Variants in ANKRD34B observed in about 807,000 individuals in gnomAD.
ANKRD34B encodes ankyrin repeat domain 34B.
ANKRD34B carries 2 observed loss-of-function variants against 4.4 expected under a neutral mutation model. The ratio of observed to expected loss-of-function variants is 0.46; its 90% confidence interval spans 0.19 to 1.44. ANKRD34B has a LOEUF of 1.44. Among genes scored for constraint, ANKRD34B ranks in the 40% most tolerant of loss-of-function variants. The pLI, the probability that ANKRD34B is intolerant of heterozygous loss-of-function variation, is 0.26. For missense variants in ANKRD34B, 558 were observed against 604.7 expected (o/e 0.92, Z 0.81); for synonymous variants, 226 against 227.1 (o/e 0.99, Z 0.05).
In ANKRD34B at chr5:80,558,771, C is replaced by T. The variant is rs765134779; in HGVS notation, c.1249G>A (p.Gly417Ser). 2.5e-6 allele frequency: 4 copies of T among 1,614,126 alleles called. No individual in the cohort carries two copies. The highest frequency in any genetic ancestry group is 3.4e-6 in the Non-Finnish European group (4 of 1,180,010). Residue 417 changes from glycine (G) to serine (S), a missense_variant, in exon 5 of 5, where the codon GGT becomes AGT. By Grantham distance (56) the Gly-to-Ser change is moderately conservative (BLOSUM62 0). Transcript: ENST00000338682. ...SKELLENIPPGPLSRRNHAVL... is the reference protein window; with the variant it reads ...SKELLENIPPSPLSRRNHAVL... ...GCATGATTTCTCCTGCTCAGGGGAC[C>T]TGGGGGGATATTCTCCAACAATTCT... is the stretch of plus-strand genomic sequence containing the variant.
At chr5:80,567,173 G>A (rs1746591457) in intron 2 of ANKRD34B, among the ~76,000 whole-genome samples, 1 of 152,182 alleles carries the variant, frequency 6.6e-6, no homozygotes, top group Non-Finnish European at 1.5e-5. Context: ...AGCTTCGCAC[G>A]GAGTAGGACT....
chr5:80,566,072 A>T (rs1014311708), intron 3 of ANKRD34B, among the ~76,000 whole-genome samples: 12 of 152,318 alleles, frequency 7.9e-5, no homozygotes, highest in Middle Eastern at 3.4e-3. Flanking sequence ...AGTTATTTTT[A>T]AAAAATATTT....
intron 2 of ANKRD34B, among the ~76,000 whole-genome samples, chr5:80,567,206 G>C (rs1166359553): frequency 6.6e-6 from 1 of 152,150 alleles, no homozygotes; most frequent in Admixed American, 6.6e-5. Flanking sequence ...TGATTTGTGT[G>C]TTATCTCACA....
At chr5:80,564,792 G>A (rs1746515432) in intron 3 of ANKRD34B, among the ~76,000 whole-genome samples, 1 of 134,518 alleles carries the variant, frequency 7.4e-6, no homozygotes, top group Middle Eastern at 4.5e-3. Context: ...TGTAACCTCC[G>A]CCTCCTGGGT....
chr5:80,567,247 A>T (rs1746593292), intron 2 of ANKRD34B, among the ~76,000 whole-genome samples: 1 of 152,122 alleles, frequency 6.6e-6, no homozygotes, highest in Non-Finnish European at 1.5e-5. Context: ...AGGTGCTTGC[A>T]AAGCCATCTT....
chr5:80,565,659 T>C (rs922336358), intron 3 of ANKRD34B, among the ~76,000 whole-genome samples: 3 of 152,268 alleles, frequency 2.0e-5, no homozygotes, highest in African/African-American at 7.2e-5. Flanking sequence ...CACTGCATTC[T>C]TCTTTTTTAA....
chr5:80,558,842 T>G lies in ANKRD34B; in HGVS notation c.1178A>C (p.Lys393Thr). 6.2e-7 allele frequency: 1 copy of G among 1,614,004 alleles called. No individual in the cohort carries two copies. Among genetic ancestry groups the G allele is most frequent in the Non-Finnish European group, 8.5e-7 (1 of 1,180,000 alleles). Reference protein sequence around the residue: ...TSEDGKALIGKKKILSPSPSQ... With the variant: ...TSEDGKALIGTKKILSPSPSQ... ...AGGAGATGGTGAGAGGATCTTTTTC[T>G]TTCCTATAAGTGCTTTGCCGTCTTC... The change falls in exon 5 of 5, where the codon AAG (lysine) becomes ACG (threonine). Residue 393 changes from lysine (K) to threonine (T), a missense_variant. Lys to Thr is a moderately conservative substitution (Grantham distance 78, BLOSUM62 -1). Transcript: ENST00000338682.
At chr5:80,564,932 C>T (rs1426075887) in intron 3 of ANKRD34B, among the ~76,000 whole-genome samples, 2 of 152,056 alleles carry the variant, frequency 1.3e-5, no homozygotes, top group Admixed American at 6.5e-5. Flanking sequence ...CCCGAATTCC[C>T]AACCTCAGGT....
chr5:80,559,201 T>C lies in ANKRD34B; in HGVS notation c.819A>G (p.Pro273=), dbSNP rs750452905. 8 of 1,614,074 alleles carry C rather than the reference T, an allele frequency of 5.0e-6. No individual in the cohort carries two copies. In the East Asian group the frequency reaches 1.8e-4, roughly 36 times the overall value. Reference sequence around the variant, plus strand: ...TGGTTTTATAGGATAGTTCTTCCTCTGGTGTAATATCCTGGAGCTCCTCTT... The same window carrying C: ...TGGTTTTATAGGATAGTTCTTCCTCCGGTGTAATATCCTGGAGCTCCTCTT... ...SLQEELQDIT[P]EEELSYKTNG... Residue 273 remains proline, a synonymous_variant, in exon 5 of 5, where the codon CCA becomes CCG. Coordinates refer to ENST00000338682, the MANE Select transcript of ANKRD34B (RefSeq NM_001004441.3).
At chr5:80,567,694 A>G (rs249206) in intron 2 of ANKRD34B, among the ~76,000 whole-genome samples, 117,627 of 146,328 alleles carry the variant, frequency 0.8, 47,818 homozygotes, top group East Asian at 0.99. Flanking sequence ...CTCTACCTCC[A>G]AATAGGATCC....
intron 4 of ANKRD34B, among the ~76,000 whole-genome samples, chr5:80,561,687 C>T (rs2112711213): frequency 6.6e-6 from 1 of 152,210 alleles, no homozygotes; most frequent in Middle Eastern, 3.4e-3. Flanking sequence ...CCAAAAGGGG[C>T]TTCACAGAAG....
chr5:80,566,494 T>A (rs895940798), intron 3 of ANKRD34B, among the ~76,000 whole-genome samples, 195 bp downstream of exon 3: 3 of 152,164 alleles, frequency 2.0e-5, no homozygotes, highest in African/African-American at 7.2e-5. Flanking sequence ...AGTGAGCATG[T>A]GCAGGCCAAA....
chr5:80,558,570 C>G lies in ANKRD34B; in HGVS notation c.1450G>C (p.Val484Leu), dbSNP rs1278166831. The change falls in exon 5 of 5, where the codon GTT becomes CTT. Residue 484 changes from valine (V) to leucine (L), a missense_variant. Physicochemically the swap from Val to Leu is conservative, Grantham distance 32. Coordinates refer to ENST00000338682, the MANE Select transcript of ANKRD34B (RefSeq NM_001004441.3). ...TTGAATTCTTTAGGGAAAATCGGAA[C>G]TGTTGGCATAAGCACTTTTTGACCA... ...SCGQKVLMPT[V>L]PIFPKEFKSK... 2.5e-6 allele frequency: 4 copies of G among 1,614,084 alleles called. No individual in the cohort carries two copies. Among genetic ancestry groups the G allele is most frequent in the Non-Finnish European group, 3.4e-6 (4 of 1,179,978 alleles).
rs748273499 is a variant in ANKRD34B, at chr5:80,558,853, T to G, written c.1167A>C (p.Ala389=). Reference sequence around the variant, plus strand: ...AGAGGATCTTTTTCTTTCCTATAAGTGCTTTGCCGTCTTCTGAAGTTGGAG... The same window carrying G: ...AGAGGATCTTTTTCTTTCCTATAAGGGCTTTGCCGTCTTCTGAAGTTGGAG... ...LTPPTSEDGK[A]LIGKKKILSP... The change falls in exon 5 of 5, where the codon GCA becomes GCC. Residue 389 remains alanine (A), a synonymous_variant. Coordinates refer to ENST00000338682, the MANE Select transcript of ANKRD34B (RefSeq NM_001004441.3). 1 of 1,613,968 alleles carries G rather than the reference T, an allele frequency of 6.2e-7. No individual in the cohort carries two copies. The highest frequency in any genetic ancestry group is 1.1e-5 in the South Asian group (1 of 91,054).
chr5:80,569,048 C>G lies in ANKRD34B; in HGVS notation c.-279G>C, dbSNP rs1746673727. 1 of 152,342 alleles carries G rather than the reference C, an allele frequency of 6.6e-6. No individual in the cohort carries two copies. The highest frequency in any genetic ancestry group is 2.4e-5 in the African/African-American group (1 of 41,442). 9.4% of individuals were successfully genotyped at this position (152,342 alleles called of 1,614,324 possible). On this transcript the variant is annotated 5_prime_UTR_variant, in exon 2 of 5. Transcript: ENST00000338682. Reference sequence around the variant, plus strand: ...GCGTCTCCACGGTCCCCGCCGACCCCTGGAACCAGGCGCGTTTCCTCAGTT... The same window carrying G: ...GCGTCTCCACGGTCCCCGCCGACCCGTGGAACCAGGCGCGTTTCCTCAGTT...
intron 2 of ANKRD34B, among the ~76,000 whole-genome samples, chr5:80,568,564 A>G: frequency 6.6e-6 from 1 of 152,214 alleles, no homozygotes; most frequent in East Asian, 1.9e-4. Context: ...GAGGGAGGCC[A>G]GCTACACTGG....
chr5:80,559,563 T>C lies in ANKRD34B; in HGVS notation c.457A>G (p.Thr153Ala). Reference sequence around the variant, plus strand: ...TGCTTCCCACAGGGCAACTTTGCTGTTGTGATGATGATGACCTCTTTCCCT... The same window carrying C: ...TGCTTCCCACAGGGCAACTTTGCTGCTGTGATGATGATGACCTCTTTCCCT... ...AKGKEVIIITTAKLPCGKHTT... is the reference protein window; with the variant it reads ...AKGKEVIIITAAKLPCGKHTT... The change falls in exon 5 of 5, where the codon ACA (threonine) becomes GCA (alanine). Residue 153 changes from threonine (T) to alanine (A), a missense_variant. Coordinates refer to ENST00000338682, the MANE Select transcript of ANKRD34B (RefSeq NM_001004441.3). 1 of 1,614,198 alleles carries C rather than the reference T, an allele frequency of 6.2e-7. No homozygotes were observed. The highest frequency in any genetic ancestry group is 8.5e-7 in the Non-Finnish European group (1 of 1,180,046).
Position 80,558,690 on chromosome 5 carries a change from T to TTTGGG in ANKRD34B, c.1325_1329dup (p.Thr444ProfsTer11). Reference sequence around the variant, plus strand: ...AAGGGTGGGAGAAACCCTTGTCTGGTTTGGGTAACACTGTGATCTAAAGGG... The same window carrying TTTGGG: ...AAGGGTGGGAGAAACCCTTGTCTGGTTTGGGTTGGGTAACACTGTGATCTAAAGGG... On this transcript the variant is annotated frameshift_variant, in exon 5 of 5. Transcript: ENST00000338682. LOFTEE classifies it high-confidence loss of function. 1 of 1,614,082 alleles carries TTTGGG rather than the reference T, an allele frequency of 6.2e-7. No homozygotes were observed. The highest frequency in any genetic ancestry group is 8.5e-7 in the Non-Finnish European group (1 of 1,179,984).
Position 80,557,801 on chromosome 5 carries a change from C to A in ANKRD34B, c.*674G>T, listed in dbSNP as rs1428576445. On this transcript the variant is annotated 3_prime_UTR_variant, in exon 5 of 5. Coordinates refer to ENST00000338682, the MANE Select transcript of ANKRD34B (RefSeq NM_001004441.3). ...AGCAAAGCAAAACACAGTGCACAAA[C>A]AACAAGACCCGGCATAGATTACTAG... 6.6e-6 allele frequency: 1 copy of A among 151,972 alleles called. No homozygotes were observed. The highest frequency in any genetic ancestry group is 1.5e-5 in the Non-Finnish European group (1 of 67,994). 9.4% of individuals were successfully genotyped at this position (151,972 alleles called of 1,614,324 possible).
Sources: allele counts gnomAD v4.1 joint callset (sites outside exome capture counted in the v4.1 genomes callset), GRCh38; gene constraint gnomAD v4.1.1; transcripts MANE v1.5; gene names NCBI Gene and HGNC (gene_info 2026-07-23, HGNC 2026-07-21).